Variants in BRPF1 observed in about 807,000 individuals in gnomAD.
The protein encoded by BRPF1 is bromodomain and PHD finger containing 1.
A neutral mutation model predicts 115.0 loss-of-function variants in BRPF1; 15 were observed. That is an observed-to-expected ratio of 0.13 (90% CI 0.09 to 0.20). The LOEUF is 0.20. Among genes scored for constraint, BRPF1 ranks in the 10% least tolerant of loss-of-function variants. The pLI is 1.00. For synonymous variants in BRPF1, 647 were observed against 619.8 expected, an observed-to-expected ratio of 1.04 and a Z score of -0.65; for missense variants, 1,118 against 1,638.3, an observed-to-expected ratio of 0.68 and a Z score of 5.48.
In BRPF1 at chr3:9,739,535, C is replaced by G; in HGVS notation, c.1136C>G (p.Pro379Arg). 1.9e-6 allele frequency: 3 copies of G among 1,613,394 alleles called. No individual in the cohort carries two copies. Among genetic ancestry groups the G allele is most frequent in the Non-Finnish European group, 2.5e-6 (3 of 1,179,416 alleles). The change falls in exon 3 of 14, where the codon CCA (proline) becomes CGA (arginine). Residue 379 changes from proline to arginine, a missense_variant. Physicochemically the swap from Pro to Arg is moderately radical, Grantham distance 103. Coordinates refer to ENST00000383829, the MANE Select transcript of BRPF1 (RefSeq NM_001003694.2). Reference protein sequence around the residue: ...EPIDSIEHIPPARWKLTCYIC... With the variant: ...EPIDSIEHIPRARWKLTCYIC... ...ATTGACAGCATTGAGCACATCCCAC[C>G]AGCTCGCTGGAAGCTCACCTGCTAC...
At position 9,747,459 on chromosome 3, in the gene BRPF1, GC is replaced by G; in HGVS notation, c.*112del. ...GCACTGACTCATTTCTGGTCTTGGG[GC>G]CAGTCTCAGGGGAAGCTGGGTGGGG... On this transcript the variant is annotated 3_prime_UTR_variant, in exon 14 of 14. Coordinates refer to ENST00000383829, the MANE Select transcript of BRPF1 (RefSeq NM_001003694.2). This position sits in a 1 kb window ranked among gnomAD's most constrained non-coding sequence, Gnocchi z 5.6. The G allele has an allele frequency of 7.2e-7, 1 of 1,387,266 alleles. No individual in the cohort carries two copies. The highest frequency in any genetic ancestry group is 9.9e-7 in the Non-Finnish European group (1 of 1,010,170). The allele number at this position is 1,387,266 out of a possible 1,614,324, so 85.9% of individuals were successfully genotyped here. A position where few individuals can be genotyped will look rare whatever the true frequency, so the allele number is the denominator to read the frequency against.
At position 9,739,437 on chromosome 3, in the gene BRPF1, G is replaced by T. The variant is rs1216083115; in HGVS notation, c.1038G>T (p.Gly346=). ...KGGAFKQTDD[G]RWAHVVCALW... ...GTGCCTTCAAGCAGACAGATGACGG[G>T]CGCTGGGCCCATGTGGTGTGTGCCT... The change falls in exon 3 of 14, where the codon GGG becomes GGT. Residue 346 remains glycine (G), a synonymous_variant. Transcript: ENST00000383829. 1.9e-6 allele frequency: 3 copies of T among 1,614,072 alleles called. No homozygotes were observed. The highest frequency in any genetic ancestry group is 2.5e-6 in the Non-Finnish European group (3 of 1,180,048).
intron 2 of BRPF1, among the ~76,000 whole-genome samples, chr3:9,736,865 G>C (rs1323940951): frequency 2.6e-5 from 4 of 152,232 alleles, no homozygotes; most frequent in African/African-American, 9.6e-5. Context: ...GGGGGAGAGA[G>C]AGGGTGGCAT....
At chr3:9,744,564 C>A (rs2077090490) in intron 9 of BRPF1, 56 bp downstream of exon 9, 3 of 1,297,508 alleles carry the variant, frequency 2.3e-6, no homozygotes, top group East Asian at 2.5e-5. Context: ...GCCATTCTTC[C>A]CAGCATACTC....
chr3:9,746,496 C>G (rs758984071), intron 13 of BRPF1, 42 bp downstream of exon 13: 7 of 1,513,292 alleles, frequency 4.6e-6, no homozygotes, highest in Middle Eastern at 1.8e-4. Flanking sequence ...GCCACAGATG[C>G]AGCCCTGTGT....
In BRPF1 at chr3:9,742,051, G is replaced by A. The variant is rs1438886534; in HGVS notation, c.1881G>A (p.Glu627=). ...TCAAGGTTCAGCAGATTGCCATGGA[G>A]ATGCAGCTGACTCCTTTCCTCATCC... ...ETIKVQQIAM[E]MQLTPFLILL... is the part of the protein sequence containing the mutation. Residue 627 remains glutamate, a synonymous_variant, in exon 6 of 14, where the codon GAG becomes GAA. Coordinates refer to ENST00000383829, the MANE Select transcript of BRPF1 (RefSeq NM_001003694.2). 3.1e-6 allele frequency: 5 copies of A among 1,614,088 alleles called. No individual in the cohort carries two copies. The African/African-American group carries it at 5.3e-5, about 17-fold the overall frequency.
chr3:9,743,806 G>A lies in BRPF1; in HGVS notation c.2540G>A (p.Ser847Asn). ...GGCCCTGAGCGGCATGGCCCCTCGA[G>A]CCGGGGTAGTCTGACACCCCACCCG... is the stretch of plus-strand genomic sequence containing the variant. ...RDGPERHGPS[S>N]RGSLTPHPAA... Residue 847 changes from serine to asparagine, a missense_variant, in exon 8 of 14, where the codon AGC (serine) becomes AAC (asparagine). Ser to Asn is a conservative substitution (Grantham distance 46, BLOSUM62 1). Transcript: ENST00000383829. The surrounding 1 kb of genome is among the most constrained non-coding windows in gnomAD (Gnocchi z 6.1). 3 of 1,612,570 alleles carry A rather than the reference G, an allele frequency of 1.9e-6. No homozygotes were observed. Among genetic ancestry groups the A allele is most frequent in the Non-Finnish European group, 2.5e-6 (3 of 1,178,798 alleles).
At chr3:9,740,455 A>G (rs1332831817) in intron 3 of BRPF1, among the ~76,000 whole-genome samples, 2 of 152,132 alleles carry the variant, frequency 1.3e-5, no homozygotes, top group African/African-American at 2.4e-5. Flanking sequence ...AAACCTTCAA[A>G]GGCTCAGTCT....
intron 6 of BRPF1, 123 bp from the exon 7 acceptor site, chr3:9,742,821 G>T: frequency 9.2e-7 from 1 of 1,081,746 alleles, no homozygotes; most frequent in East Asian, 2.5e-5. Flanking sequence ...TGTGCTATAT[G>T]CCTGCCTCTA....
chr3:9,745,521 G>A lies in BRPF1; in HGVS notation c.3069-52G>A. 6.3e-7 allele frequency: 1 copy of A among 1,593,122 alleles called. No individual in the cohort carries two copies. The highest frequency in any genetic ancestry group is 1.1e-5 in the South Asian group (1 of 90,564). On this transcript the variant is annotated intron_variant, in intron 10 of 13. Transcript: ENST00000383829. This position sits in a 1 kb window ranked among gnomAD's most constrained non-coding sequence, Gnocchi z 5.1. ...AAGAGCTGAGGGCACATACCATGCTGTTCCCCATTCTTCCCCTCCTTTGAG... is the reference window on the plus strand; with the variant it reads ...AAGAGCTGAGGGCACATACCATGCTATTCCCCATTCTTCCCCTCCTTTGAG...
chr3:9,741,419 GA>G lies in BRPF1; in HGVS notation c.1839del (p.Lys613AsnfsTer18). ...GCTCGTGGAATTGATCCGCAAGCGG[GA>G]AAAACTCAAAAGGGAGACGGTGAGT... ...RLLVELIRKREKLKRETIKVQ... is the reference protein window; with the variant it reads ...RLLVELIRKRXKLKRETIKVQ... On this transcript the variant is annotated frameshift_variant, in exon 5 of 14. Coordinates refer to ENST00000383829, the MANE Select transcript of BRPF1 (RefSeq NM_001003694.2). LOFTEE classifies it high-confidence loss of function. 6.2e-7 allele frequency: 1 copy of G among 1,601,212 alleles called. No individual in the cohort carries two copies. The highest frequency in any genetic ancestry group is 2.3e-5 in the East Asian group (1 of 44,438).
Position 9,743,414 on chromosome 3 carries a change from A to G in BRPF1, c.2311+161A>G. On this transcript the variant is annotated intron_variant, in intron 7 of 13. Transcript: ENST00000383829. The surrounding 1 kb of genome is among the most constrained non-coding windows in gnomAD (Gnocchi z 6.1). ...CTCCCCAAGAAGCCAGACTGGGTGA[A>G]TGGATAGCAGTGCCCGCCATTCCAC... 1 of 1,216,710 alleles carries G rather than the reference A, an allele frequency of 8.2e-7. No individual in the cohort carries two copies. The highest frequency in any genetic ancestry group is 2.5e-5 in the East Asian group (1 of 39,512). The allele number at this position is 1,216,710 out of a possible 1,614,324, so 75.4% of individuals were successfully genotyped here. A position where few individuals can be genotyped will look rare whatever the true frequency, so the allele number is the denominator to read the frequency against.
Position 9,739,812 on chromosome 3 carries a change from G to C in BRPF1, c.1413G>C (p.Glu471Asp), listed in dbSNP as rs1326124495. The C allele has an allele frequency of 1.2e-5, 20 of 1,609,340 alleles. No homozygotes were observed. The highest frequency in any genetic ancestry group is 1.5e-5 in the Non-Finnish European group (18 of 1,177,782). Residue 471 changes from glutamate to aspartate, a missense_variant, in exon 3 of 14, where the codon GAG becomes GAC. This residue lies in a region of BRPF1 where 87 missense variants were observed against 93.4 expected (regional missense o/e 0.93). Coordinates refer to ENST00000383829, the MANE Select transcript of BRPF1 (RefSeq NM_001003694.2). The stretch of plus-strand genomic sequence containing the variant: ...AGGGTGAGGAGGATGAAGATGAGGA[G>C]GAGGATGAGGGTAAGGGCTGGAGCT... ...HSEGEEDEDE[E>D]EDEGKGWSSE...
At chr3:9,735,467 C>T (rs1167450847) in intron 2 of BRPF1, among the ~76,000 whole-genome samples, 18 of 152,182 alleles carry the variant, frequency 1.2e-4, no homozygotes, top group Admixed American at 1.2e-3. Context: ...TTGGGAAATG[C>T]ATCCAAATTA....
intron 6 of BRPF1, 78 bp downstream of exon 6, chr3:9,742,249 A>G: frequency 6.3e-7 from 1 of 1,576,480 alleles, no homozygotes; most frequent in Non-Finnish European, 8.6e-7. Context: ...CTGGGCCAGG[A>G]CTAGATGGGG....
At chr3:9,741,068 C>T (rs745581160) in intron 4 of BRPF1, 127 bp downstream of exon 4, 5 of 1,112,560 alleles carry the variant, frequency 4.5e-6, no homozygotes, top group Non-Finnish European at 6.4e-6. Context: ...GCCCTCAAAC[C>T]AGGATCAGCA....
chr3:9,741,729 G>T (rs1341890991), intron 5 of BRPF1, among the ~76,000 whole-genome samples: 1 of 152,114 alleles, frequency 6.6e-6, no homozygotes, highest in Non-Finnish European at 1.5e-5. Flanking sequence ...CAGGTCTCCT[G>T]GTGCTCGGTG....
chr3:9,747,945 C>T lies in BRPF1; in HGVS notation c.*596C>T, dbSNP rs1274201748. On this transcript the variant is annotated 3_prime_UTR_variant, in exon 14 of 14. Transcript: ENST00000383829. The surrounding 1 kb of genome is among the most constrained non-coding windows in gnomAD (Gnocchi z 5.6). Reference sequence around the variant, plus strand: ...CTTTCCCATAGATTCCCCCACCTTTCAAACTGGTTTGTATTTATTTCAAAG... The same window carrying T: ...CTTTCCCATAGATTCCCCCACCTTTTAAACTGGTTTGTATTTATTTCAAAG... The T allele has an allele frequency of 6.6e-6, 1 of 151,180 alleles. No homozygotes were observed. Among genetic ancestry groups the T allele is most frequent in the Non-Finnish European group, 1.5e-5 (1 of 67,896 alleles). The allele number at this position is 151,180 out of a possible 1,614,324, so 9.4% of individuals were successfully genotyped here.
chr3:9,738,486 A>G (rs946172024), intron 2 of BRPF1, among the ~76,000 whole-genome samples: 2 of 152,228 alleles, frequency 1.3e-5, no homozygotes, highest in Non-Finnish European at 2.9e-5. Context: ...TGCTGACACT[A>G]GCTGAGAGAA....
Sources: gnomAD v4.1 joint callset for allele counts (sites outside exome capture counted in the v4.1 genomes callset) on GRCh38, gnomAD v4.1.1 for gene constraint, gnomAD v4.1.1 regional missense constraint, Gnocchi (gnomAD v3.1) non-coding constraint, MANE v1.5 for transcripts, NCBI Gene and HGNC (gene_info 2026-07-23, HGNC 2026-07-21) for gene names.